The following ST6GALNAC3 variants were observed in gnomAD, a reference collection of about 807,000 sequenced individuals.
ST6GALNAC3 encodes alpha-N-acetylgalactosaminide alpha-2,6-sialyltransferase 3.
A neutral mutation model predicts 32.7 loss-of-function variants in ST6GALNAC3; 25 were observed. That is an observed-to-expected ratio of 0.76 (90% confidence interval 0.56 to 1.07). The LOEUF is 1.07. Ranked by LOEUF, ST6GALNAC3 falls within the 50% of genes least tolerant of loss-of-function variation. The probability of loss-of-function intolerance (pLI) is 0.00; values close to 1 mark genes in which losing one functional copy is unlikely to be tolerated. For synonymous variants in ST6GALNAC3, 129 were observed against 133.1 expected, an observed-to-expected ratio of 0.97 and a Z score of 0.21; for missense variants, 355 against 382.4, an observed-to-expected ratio of 0.93 and a Z score of 0.60.
At chr1:76,283,672 T>A (rs1659622300) in intron 1 of ST6GALNAC3, among the ~76,000 whole-genome samples, 1 of 152,248 alleles carries the variant, frequency 6.6e-6, no homozygotes, top group Non-Finnish European at 1.5e-5. Context: ...AATAATCAGA[T>A]TACTTTTCTA....
At chr1:76,602,315 G>A (rs960137973) in intron 3 of ST6GALNAC3, among the ~76,000 whole-genome samples, 16 of 151,956 alleles carry the variant, frequency 1.1e-4, no homozygotes, top group Admixed American at 4.6e-4. Flanking sequence ...GTGTTCATGC[G>A]CGCACGTGTG....
At chr1:76,117,286 G>T (rs1171271464) in intron 1 of ST6GALNAC3, among the ~76,000 whole-genome samples, 1 of 152,220 alleles carries the variant, frequency 6.6e-6, no homozygotes, top group African/African-American at 2.4e-5. Context: ...CAAAGGGACA[G>T]GAGAAGTTAA....
chr1:76,303,782 G>A (rs560161716), intron 1 of ST6GALNAC3, among the ~76,000 whole-genome samples: 47 of 152,142 alleles, frequency 3.1e-4, no homozygotes, highest in Non-Finnish European at 5.4e-4. Context: ...GTTGCTCCAA[G>A]CAGGTTTACT....
At chr1:76,561,483 G>T (rs565670432) in intron 3 of ST6GALNAC3, among the ~76,000 whole-genome samples, 2 of 151,818 alleles carry the variant, frequency 1.3e-5, no homozygotes, top group African/African-American at 2.4e-5. Context: ...GCCATCTCCC[G>T]AAAGAAGATA....
intron 1 of ST6GALNAC3, among the ~76,000 whole-genome samples, chr1:76,208,049 C>CCAA (rs1553165403): frequency 2.0e-5 from 1 of 51,100 alleles, no homozygotes; most frequent in Non-Finnish European, 4.2e-5. Flanking sequence ...GTGCCCCCCC[C>CCAA]CCCAAAAAAT....
chr1:76,210,308 G>GT (rs1328184357), intron 1 of ST6GALNAC3, among the ~76,000 whole-genome samples: 1 of 152,032 alleles, frequency 6.6e-6, no homozygotes, highest in Non-Finnish European at 1.5e-5. Context: ...ATGTACCTTA[G>GT]TTTTTTTGGG....
chr1:76,140,831 G>T (rs1650277467), intron 1 of ST6GALNAC3, among the ~76,000 whole-genome samples: 1 of 143,174 alleles, frequency 7.0e-6, no homozygotes, highest in Admixed American at 7.0e-5. Context: ...GGTATAGAGG[G>T]TCTTGCTAAG....
At chr1:76,337,191 C>T (rs1253226765) in intron 2 of ST6GALNAC3, among the ~76,000 whole-genome samples, 1 of 152,196 alleles carries the variant, frequency 6.6e-6, no homozygotes, top group African/African-American at 2.4e-5. Context: ...GGCTAACCCC[C>T]GCCCCTTGGA....
chr1:76,081,782 C>T (rs1277423434), intron 1 of ST6GALNAC3, among the ~76,000 whole-genome samples: 1 of 152,102 alleles, frequency 6.6e-6, no homozygotes, highest in African/African-American at 2.4e-5. Context: ...GGAAGAGACA[C>T]TAGCATTTTG....
intron 3 of ST6GALNAC3, among the ~76,000 whole-genome samples, chr1:76,598,289 A>G (rs1194742388): frequency 3.3e-5 from 5 of 152,128 alleles, no homozygotes; most frequent in African/African-American, 4.8e-5. Context: ...CTATAGCCAT[A>G]ACCAGATGTT....
intron 3 of ST6GALNAC3, among the ~76,000 whole-genome samples, chr1:76,602,410 G>A (rs2100635026): frequency 6.6e-6 from 1 of 152,118 alleles, no homozygotes; most frequent in East Asian, 1.9e-4. Context: ...TGTTTAAGTG[G>A]ATCAGTCTAA....
chr1:76,126,127 G>C (rs1649225198), intron 1 of ST6GALNAC3, among the ~76,000 whole-genome samples: 1 of 152,156 alleles, frequency 6.6e-6, no homozygotes, highest in Non-Finnish European at 1.5e-5. Context: ...TTAGAGGTCT[G>C]TCTCAAGAGT....
intron 1 of ST6GALNAC3, among the ~76,000 whole-genome samples, chr1:76,306,159 C>T (rs1156859132): frequency 2.6e-5 from 4 of 151,928 alleles, no homozygotes; most frequent in African/African-American, 9.7e-5. Flanking sequence ...TTCATTTTGC[C>T]CAACTCTGGC....
chr1:76,629,815 T>G lies in ST6GALNAC3; in HGVS notation c.*1009T>G. On this transcript the variant is annotated 3_prime_UTR_variant, in exon 5 of 5. Transcript: ENST00000328299. Reference sequence around the variant, plus strand: ...ATATATATTTGTATATTCAAATTTCTATTTTATAGGCCCAAGGTGTGTTTC... The same window carrying G: ...ATATATATTTGTATATTCAAATTTCGATTTTATAGGCCCAAGGTGTGTTTC... 1.0e-6 allele frequency: 1 copy of G among 977,236 alleles called. No individual in the cohort carries two copies. The highest frequency in any genetic ancestry group is 1.2e-6 in the Non-Finnish European group (1 of 822,440). The allele number at this position is 977,236 out of a possible 1,614,324, so 60.5% of individuals were successfully genotyped here.
At chr1:76,220,871 A>G (rs1031819230) in intron 1 of ST6GALNAC3, among the ~76,000 whole-genome samples, 4 of 152,208 alleles carry the variant, frequency 2.6e-5, no homozygotes, top group Admixed American at 6.5e-5. Context: ...CTTTCAAAAA[A>G]CATTGCAAAA....
Position 76,098,512 on chromosome 1 carries a change from C to T in ST6GALNAC3, c.18+23628C>T, listed in dbSNP as rs575195579. Among the ~76,000 whole-genome samples, 6 of 152,152 alleles carry T rather than the reference C, an allele frequency of 3.9e-5. No individual in the cohort carries two copies. The South Asian group carries it at 1.2e-3, about 32-fold the overall frequency. On this transcript the variant is annotated intron_variant, in intron 1 of 4. Transcript: ENST00000328299. The stretch of plus-strand genomic sequence containing the variant: ...CTCTTTGTGGTTTTAATTTGCATTT[C>T]CTTGATTAAGAATGAGGTTGAACAC...
At chr1:76,258,158 C>T (rs72675954) in intron 1 of ST6GALNAC3, among the ~76,000 whole-genome samples, 10,928 of 152,236 alleles carry the variant, frequency 0.072, 860 homozygotes, top group African/African-American at 0.2. Flanking sequence ...AAATGAGTCA[C>T]ATGTAATCTA....
intron 2 of ST6GALNAC3, among the ~76,000 whole-genome samples, chr1:76,395,986 T>C (rs562691238): frequency 2.6e-5 from 4 of 152,192 alleles, no homozygotes; most frequent in Admixed American, 6.5e-5. Flanking sequence ...TCCCAACACA[T>C]AGAAATGAAA....
intron 1 of ST6GALNAC3, among the ~76,000 whole-genome samples, chr1:76,282,963 C>T (rs1016948108): frequency 5.3e-5 from 8 of 152,006 alleles, no homozygotes; most frequent in Admixed American, 6.6e-5. Context: ...TGCTTGAGCC[C>T]GGGAGGTGGA....
Sources: allele counts gnomAD v4.1 joint callset (sites outside exome capture counted in the v4.1 genomes callset), GRCh38; gene constraint gnomAD v4.1.1; transcripts MANE v1.5; gene names NCBI Gene and HGNC (gene_info 2026-07-23, HGNC 2026-07-21).